The following OSMR variants were observed in gnomAD, a reference collection of about 807,000 sequenced individuals.
The protein encoded by OSMR is oncostatin M receptor, also known as oncostatin-M-specific receptor subunit beta.
Under a neutral mutation model 99.9 loss-of-function variants are expected in OSMR, and 81 were observed. The observed-to-expected ratio is 0.81, with a 90% confidence interval of 0.68 to 0.97. The LOEUF (loss-of-function observed/expected upper bound fraction) is 0.97, where lower values mean the gene tolerates loss of function less well. OSMR is among the 50% of genes least tolerant of loss of function. OSMR has a pLI of 0.00. For missense variants in OSMR, 1,099 were observed against 1,153.4 expected (o/e 0.95, Z 0.68); for synonymous variants, 406 against 410.4 (o/e 0.99, Z 0.13).
chr5:38,899,842 T>A (rs1187170998), intron 7 of OSMR, among the ~76,000 whole-genome samples: 3 of 152,124 alleles, frequency 2.0e-5, no homozygotes, highest in Admixed American at 2.0e-4. Context: ...GGAAAGGTTT[T>A]CTTTTGGAGC....
chr5:38,930,874 G>A (rs1266190137), intron 15 of OSMR, among the ~76,000 whole-genome samples: 1 of 151,846 alleles, frequency 6.6e-6, no homozygotes, highest in African/African-American at 2.4e-5. Flanking sequence ...TAATAAGGGT[G>A]ATGCCAGTTC....
chr5:38,908,183 T>C (rs902311993), intron 9 of OSMR, among the ~76,000 whole-genome samples: 5 of 152,070 alleles, frequency 3.3e-5, no homozygotes, highest in Non-Finnish European at 5.9e-5. Flanking sequence ...CAACTGCCAA[T>C]GTGAATGCAT....
rs1561361813 is a variant in OSMR, at chr5:38,881,689, AAG to A, written c.346_347del (p.Ser116PhefsTer9). On this transcript the variant is annotated frameshift_variant, in exon 4 of 18. Transcript: ENST00000274276. LOFTEE classifies it high-confidence loss of function. ...LECATHFVRI[K>X]SLVDDAKFPE... is the part of the protein sequence containing the mutation. The stretch of plus-strand genomic sequence containing the variant: ...ATGTGCCACACACTTTGTAAGAATA[AAG>A]AGTTTGGTGGACGATGCCAAGTTCC... The A allele has an allele frequency of 6.2e-7, 1 of 1,614,212 alleles. No homozygotes were observed. Among genetic ancestry groups the A allele is most frequent in the South Asian group, 1.1e-5 (1 of 91,076 alleles).
rs754465546 is a variant in OSMR, at chr5:38,918,997, T to C, written c.1520T>C (p.Ile507Thr). The C allele has an allele frequency of 6.2e-7, 1 of 1,614,160 alleles. No individual in the cohort carries two copies. Among genetic ancestry groups the C allele is most frequent in the Admixed American group, 1.7e-5 (1 of 60,028 alleles). Residue 507 changes from isoleucine (I) to threonine (T), a missense_variant, in exon 11 of 18, where the codon ATA becomes ACA. Ile to Thr is a moderately conservative substitution (Grantham distance 89). Coordinates refer to ENST00000274276, the MANE Select transcript of OSMR (RefSeq NM_003999.3). ...LDRCSYQICVIANNSVGASPA... is the reference protein window; with the variant it reads ...LDRCSYQICVTANNSVGASPA... ...AGGTGTTCCTACCAAATCTGCGTCA[T>C]AGCCAACAACAGTGTGGGTGCTTCT...
intron 7 of OSMR, among the ~76,000 whole-genome samples, chr5:38,903,159 C>T (rs1031422771): frequency 2.6e-5 from 4 of 152,182 alleles, no homozygotes; most frequent in Admixed American, 1.3e-4. Flanking sequence ...ATCAACTGTC[C>T]GAGTCCAGTG....
chr5:38,864,628 C>T (rs1276907645), intron 1 of OSMR, among the ~76,000 whole-genome samples: 1 of 150,156 alleles, frequency 6.7e-6, no homozygotes, highest in African/African-American at 2.4e-5. Context: ...CATTGTTAGT[C>T]TGATGGGGGT....
chr5:38,927,635 G>A (rs1331243958), intron 15 of OSMR, among the ~76,000 whole-genome samples: 1 of 152,188 alleles, frequency 6.6e-6, no homozygotes, highest in Non-Finnish European at 1.5e-5. Flanking sequence ...TCCCTACTAG[G>A]TGTCTGTGCC....
At chr5:38,942,330 T>C (rs749339879) in intron 1 of OSMR, 19 of 1,598,558 alleles carry the variant, frequency 1.2e-5, no homozygotes, top group Middle Eastern at 1.7e-4. Flanking sequence ...GTATCAACTA[T>C]AGGTTGCTTT....
Position 38,904,542 on chromosome 5 carries a change from T to A in OSMR, c.1285+39T>A, listed in dbSNP as rs778568588. On this transcript the variant is annotated intron_variant, in intron 9 of 17. Coordinates refer to ENST00000274276, the MANE Select transcript of OSMR (RefSeq NM_003999.3). ...CTGGCATTTAACCCAAAGAAGTAGG[T>A]CTTAGGAGTTAGACTGGTTTCCTTA... 15 of 1,613,570 alleles carry A rather than the reference T, an allele frequency of 9.3e-6. No individual in the cohort carries two copies. In the South Asian group the frequency reaches 1.4e-4, roughly 15 times the overall value.
intron 1 of OSMR, among the ~76,000 whole-genome samples, chr5:38,859,470 A>G (rs1394574163): frequency 6.6e-6 from 1 of 152,110 alleles, no homozygotes; most frequent in Admixed American, 6.5e-5. Flanking sequence ...GTCTGTTTTT[A>G]TACCAATATC....
intron 1 of OSMR, among the ~76,000 whole-genome samples, chr5:38,854,899 A>G (rs547439502): frequency 5.0e-5 from 7 of 139,010 alleles, no homozygotes; most frequent in African/African-American, 1.8e-4. Context: ...GCTGCTTCAC[A>G]CTTCCCTGAC....
intron 1 of OSMR, among the ~76,000 whole-genome samples, chr5:38,860,634 G>A (rs1379083743): frequency 1.3e-5 from 2 of 152,036 alleles, no homozygotes; most frequent in Non-Finnish European, 2.9e-5. Flanking sequence ...AATACTTTGA[G>A]AATTGGTGTT....
At chr5:38,903,507 C>T (rs1745025493) in intron 7 of OSMR, among the ~76,000 whole-genome samples, 1 of 152,206 alleles carries the variant, frequency 6.6e-6, no homozygotes, top group Non-Finnish European at 1.5e-5. Flanking sequence ...CTAGCACAGT[C>T]TACATATTTT....
intron 7 of OSMR, among the ~76,000 whole-genome samples, chr5:38,894,117 T>G (rs1480541420): frequency 6.6e-6 from 1 of 152,180 alleles, no homozygotes; most frequent in Non-Finnish European, 1.5e-5. Context: ...TTTTTTCAGA[T>G]AAGCAATTGC....
At chr5:38,861,545 G>A (rs1046201125) in intron 1 of OSMR, among the ~76,000 whole-genome samples, 2 of 152,196 alleles carry the variant, frequency 1.3e-5, no homozygotes, top group Admixed American at 6.5e-5. Flanking sequence ...GCAACCATCC[G>A]ATTTCTCAAT....
At chr5:38,890,178 C>T (rs1414155462) in intron 7 of OSMR, among the ~76,000 whole-genome samples, 1 of 152,002 alleles carries the variant, frequency 6.6e-6, no homozygotes, top group Non-Finnish European at 1.5e-5. Flanking sequence ...TGGGCTTGTA[C>T]CTTGCTGAAA....
intron 14 of OSMR, chr5:38,924,980 T>G (rs1280158496): frequency 2.2e-6 from 1 of 464,492 alleles, no homozygotes; most frequent in East Asian, 1.5e-4. Flanking sequence ...GGATCACTAG[T>G]ACCCCTTGTT....
chr5:38,906,657 T>C (rs1204029903), intron 9 of OSMR, among the ~76,000 whole-genome samples: 3 of 152,212 alleles, frequency 2.0e-5, no homozygotes, highest in Admixed American at 1.3e-4. Flanking sequence ...AAATCTGCTT[T>C]AATAGATTTA....
At chr5:38,876,851 A>G (rs1320566085) in intron 3 of OSMR, among the ~76,000 whole-genome samples, 1 of 152,200 alleles carries the variant, frequency 6.6e-6, no homozygotes, top group African/African-American at 2.4e-5. Flanking sequence ...GTTCCATCCA[A>G]CAAGGAGCCA....
Sources: gnomAD v4.1 joint callset for allele counts (sites outside exome capture counted in the v4.1 genomes callset) on GRCh38, gnomAD v4.1.1 for gene constraint, MANE v1.5 for transcripts, NCBI Gene and HGNC (gene_info 2026-07-23, HGNC 2026-07-21) for gene names.